Variants in PIP5K1B observed in about 807,000 individuals in gnomAD.
PIP5K1B encodes phosphatidylinositol 4-phosphate 5-kinase type-1 beta.
Under a neutral mutation model 67.0 loss-of-function variants are expected in PIP5K1B, and 42 were observed. The observed-to-expected ratio is 0.63, with a 90% CI of 0.49 to 0.81. PIP5K1B has a LOEUF of 0.81. Among genes scored for constraint, PIP5K1B ranks in the 30% least tolerant of loss-of-function variants. The probability of loss-of-function intolerance (pLI) is 0.00; values close to 1 mark genes in which losing one functional copy is unlikely to be tolerated. For missense variants in PIP5K1B, 459 were observed against 646.3 expected, an observed-to-expected ratio of 0.71 and a Z score of 3.14; for synonymous variants, 214 against 231.4, an observed-to-expected ratio of 0.92 and a Z score of 0.68.
In PIP5K1B at chr9:68,845,142, A is replaced by AATATAAT. The variant is rs1587544777; in HGVS notation, c.70-18695_70-18694insATATAAT. ...CTTCATTTTCTAGAGGAGGAAAGTG[A>AATATAAT]GCCCCCGTGCTATAATGAAGCTGTC... On this transcript the variant is annotated intron_variant, in intron 4 of 15. Coordinates refer to ENST00000265382, the MANE Select transcript of PIP5K1B (RefSeq NM_003558.4). 2.0e-5 allele frequency among the ~76,000 whole-genome samples: 3 copies of AATATAAT among 152,166 alleles called. No homozygotes were observed. In the East Asian group the frequency reaches 5.8e-4, roughly 29 times the overall value.
chr9:68,827,220 G>A (rs987112718), intron 4 of PIP5K1B, among the ~76,000 whole-genome samples: 6 of 152,224 alleles, frequency 3.9e-5, no homozygotes, highest in African/African-American at 1.4e-4. Flanking sequence ...GGGGAAAGTA[G>A]TAGGCAGTTT....
At chr9:68,730,970 GT>G (rs1395139566) in intron 1 of PIP5K1B, among the ~76,000 whole-genome samples, 1 of 152,232 alleles carries the variant, frequency 6.6e-6, no homozygotes, top group Non-Finnish European at 1.5e-5. Context: ...CAGGCCACTG[GT>G]TTCCTTGAAG....
chr9:68,876,646 T>C, intron 5 of PIP5K1B, 31 bp from the exon 6 acceptor site: 2 of 1,210,338 alleles, frequency 1.7e-6, no homozygotes, highest in Middle Eastern at 1.9e-4. Context: ...GTGTTCTTTC[T>C]TTCTCTCTCT....
intron 14 of PIP5K1B, among the ~76,000 whole-genome samples, chr9:68,984,943 G>T (rs1830035490): frequency 6.6e-6 from 1 of 152,308 alleles, no homozygotes; most frequent in East Asian, 1.9e-4. Flanking sequence ...ACTCTGTTTA[G>T]GGACCATGTA....
At chr9:68,776,779 G>C (rs1311758909) in intron 2 of PIP5K1B, among the ~76,000 whole-genome samples, 1 of 152,192 alleles carries the variant, frequency 6.6e-6, no homozygotes, top group Non-Finnish European at 1.5e-5. Context: ...ATTCATGGGA[G>C]TGAAACCGGA....
At chr9:68,998,401 TTATTATTA>T (rs760396632) in intron 15 of PIP5K1B, among the ~76,000 whole-genome samples, 7 of 152,228 alleles carry the variant, frequency 4.6e-5, no homozygotes, top group Non-Finnish European at 1.0e-4. Flanking sequence ...CCTGGGTCTT[TTATTATTA>T]TACATCCAGG....
At chr9:68,988,828 G>A (rs1442085035) in intron 14 of PIP5K1B, among the ~76,000 whole-genome samples, 1 of 151,988 alleles carries the variant, frequency 6.6e-6, no homozygotes, top group Non-Finnish European at 1.5e-5. Flanking sequence ...TGCGCATGGT[G>A]GCTCATGCCT....
intron 4 of PIP5K1B, among the ~76,000 whole-genome samples, chr9:68,837,706 T>G (rs1438086740): frequency 1.3e-5 from 2 of 151,566 alleles, no homozygotes; most frequent in Non-Finnish European, 2.9e-5. Context: ...AATTTTGTGC[T>G]AGTAATGCCT....
intron 1 of PIP5K1B, among the ~76,000 whole-genome samples, chr9:68,732,372 T>C (rs1828485281): frequency 6.6e-6 from 1 of 152,236 alleles, no homozygotes; most frequent in South Asian, 2.1e-4. Context: ...GTTTATTTAA[T>C]AGCACTATTC....
chr9:68,953,075 C>A (rs1480436834), intron 14 of PIP5K1B, among the ~76,000 whole-genome samples: 1 of 151,976 alleles, frequency 6.6e-6, no homozygotes, highest in African/African-American at 2.4e-5. Context: ...TCTCTATTTT[C>A]TTTTTCCTTT....
At chr9:68,947,004 A>G (rs1348015143) in intron 14 of PIP5K1B, among the ~76,000 whole-genome samples, 1 of 152,236 alleles carries the variant, frequency 6.6e-6, no homozygotes, top group Non-Finnish European at 1.5e-5. Flanking sequence ...CCCATAAAAC[A>G]TTTGTTGAAA....
intron 14 of PIP5K1B, among the ~76,000 whole-genome samples, chr9:68,987,830 C>T (rs943771787): frequency 6.6e-6 from 1 of 152,142 alleles, no homozygotes; most frequent in African/African-American, 2.4e-5. Flanking sequence ...GACTTATTCA[C>T]TACCATGAGA....
chr9:68,890,397 A>G (rs1824724616), intron 7 of PIP5K1B, among the ~76,000 whole-genome samples: 2 of 152,228 alleles, frequency 1.3e-5, no homozygotes, highest in Non-Finnish European at 2.9e-5. Flanking sequence ...GAAGGGCTAC[A>G]TGAAGCTGTC....
intron 14 of PIP5K1B, among the ~76,000 whole-genome samples, chr9:68,978,658 G>A (rs954876567): frequency 1.3e-5 from 2 of 152,186 alleles, no homozygotes; most frequent in Non-Finnish European, 2.9e-5. Flanking sequence ...TGGATGATTG[G>A]TAGTTTTGTA....
At chr9:68,918,055 CTT>C (rs1418740677) in intron 9 of PIP5K1B, among the ~76,000 whole-genome samples, 3 of 151,190 alleles carry the variant, frequency 2.0e-5, no homozygotes, top group East Asian at 3.9e-4. Context: ...AAGGAATAGA[CTT>C]TGAATTTGAA....
intron 2 of PIP5K1B, among the ~76,000 whole-genome samples, chr9:68,753,312 A>C (rs1829728505): frequency 6.7e-6 from 1 of 150,278 alleles, no homozygotes; most frequent in African/African-American, 2.5e-5. Context: ...GAATGGTTAA[A>C]TATGGTTTAT....
chr9:68,954,979 C>G (rs1422874828), intron 14 of PIP5K1B, among the ~76,000 whole-genome samples: 2 of 152,112 alleles, frequency 1.3e-5, no homozygotes, highest in African/African-American at 4.8e-5. Flanking sequence ...AAATCATTGC[C>G]CTTGAGAGAC....
At chr9:68,954,417 G>A (rs61469195) in intron 14 of PIP5K1B, among the ~76,000 whole-genome samples, 27 of 152,298 alleles carry the variant, frequency 1.8e-4, no homozygotes, top group African/African-American at 6.0e-4. Context: ...ACTGCTCAGC[G>A]AAGATTCTAA....
intron 2 of PIP5K1B, among the ~76,000 whole-genome samples, chr9:68,796,072 T>C (rs1025346833): frequency 1.3e-5 from 2 of 152,244 alleles, no homozygotes; most frequent in African/African-American, 4.8e-5. Context: ...TTGCACTTCA[T>C]GTATATTGTT....
Sources: gnomAD v4.1 joint callset for allele counts (sites outside exome capture counted in the v4.1 genomes callset) on GRCh38, gnomAD v4.1.1 for gene constraint, MANE v1.5 for transcripts, NCBI Gene and HGNC (gene_info 2026-07-23, HGNC 2026-07-21) for gene names.